The following LMX1A variants were observed in gnomAD, a reference collection of about 807,000 sequenced individuals.
LMX1A encodes the protein LIM homeobox transcription factor 1 alpha.
In LMX1A, 15 loss-of-function variants were observed where a neutral mutation model predicts 49.1. The observed-to-expected ratio is 0.31, with a 90% confidence interval of 0.20 to 0.47. LMX1A has a LOEUF of 0.47. LMX1A is among the 20% of genes least tolerant of loss of function. The probability of loss-of-function intolerance (pLI) is 1.00; values close to 1 mark genes in which losing one functional copy is unlikely to be tolerated. For missense variants in LMX1A, 372 were observed against 475.8 expected, an observed-to-expected ratio of 0.78 and a Z score of 2.03; for synonymous variants, 167 against 185.7, an observed-to-expected ratio of 0.90 and a Z score of 0.82.
At chr1:165,296,857 C>A (rs1432090945) in intron 3 of LMX1A, among the ~76,000 whole-genome samples, 1 of 152,210 alleles carries the variant, frequency 6.6e-6, no homozygotes, top group African/African-American at 2.4e-5. Context: ...ACAAGAAAGG[C>A]GTGGGGTTTA....
chr1:165,290,638 G>C (rs1333138461), intron 3 of LMX1A, among the ~76,000 whole-genome samples: 1 of 152,174 alleles, frequency 6.6e-6, no homozygotes, highest in Non-Finnish European at 1.5e-5. Flanking sequence ...TTATGGATCA[G>C]ACATTGTGCT....
At chr1:165,244,771 G>A (rs973753569) in intron 4 of LMX1A, among the ~76,000 whole-genome samples, 10 of 152,088 alleles carry the variant, frequency 6.6e-5, no homozygotes, top group Non-Finnish European at 1.2e-4. Flanking sequence ...TCTGGTGAAG[G>A]AAAAGAGCTC....
chr1:165,272,216 C>T (rs900150207), intron 3 of LMX1A, among the ~76,000 whole-genome samples: 1 of 152,142 alleles, frequency 6.6e-6, no homozygotes, highest in African/African-American at 2.4e-5. Flanking sequence ...AGGCCCAGGG[C>T]TTGACAAGCT....
At chr1:165,233,369 T>C (rs1332914369) in intron 4 of LMX1A, among the ~76,000 whole-genome samples, 1 of 152,172 alleles carries the variant, frequency 6.6e-6, no homozygotes, top group Non-Finnish European at 1.5e-5. Context: ...GCAGGAGGAT[T>C]GCATGAGCCC....
At chr1:165,228,820 C>A (rs112559450) in intron 4 of LMX1A, among the ~76,000 whole-genome samples, 2 of 152,222 alleles carry the variant, frequency 1.3e-5, no homozygotes, top group African/African-American at 4.8e-5. Context: ...AGGCCACATG[C>A]AAAAACCAGA....
chr1:165,222,245 A>G (rs138310819), intron 4 of LMX1A, among the ~76,000 whole-genome samples: 2 of 152,336 alleles, frequency 1.3e-5, no homozygotes, highest in Admixed American at 1.3e-4. Flanking sequence ...AGGAGACTGT[A>G]GAGCTCATAA....
chr1:165,261,169 A>G (rs16841825), intron 3 of LMX1A, among the ~76,000 whole-genome samples: 1,671 of 152,286 alleles, frequency 0.011, 36 homozygotes, highest in African/African-American at 0.038. Context: ...TAGACTTCAG[A>G]TGTCTCGAGA....
chr1:165,246,374 TTA>T (rs1652849519), intron 4 of LMX1A, among the ~76,000 whole-genome samples: 1 of 152,210 alleles, frequency 6.6e-6, no homozygotes, highest in African/African-American at 2.4e-5. Context: ...GGTTGAGGCT[TTA>T]ATGTCACTTC....
At chr1:165,354,245 C>A (rs1656524341) in intron 2 of LMX1A, among the ~76,000 whole-genome samples, 1 of 152,164 alleles carries the variant, frequency 6.6e-6, no homozygotes, top group African/African-American at 2.4e-5. Context: ...CTCATTCTCC[C>A]CTTCCGAGAG....
intron 4 of LMX1A, among the ~76,000 whole-genome samples, chr1:165,236,233 G>T (rs1019130481): frequency 6.6e-6 from 1 of 152,214 alleles, no homozygotes; most frequent in African/African-American, 2.4e-5. Flanking sequence ...GCTGGGGAGA[G>T]GGAAGCCTCC....
chr1:165,252,584 G>C (rs1557863932), intron 3 of LMX1A, among the ~76,000 whole-genome samples: 1 of 152,062 alleles, frequency 6.6e-6, no homozygotes, highest in Non-Finnish European at 1.5e-5. Flanking sequence ...CAGCAAAATA[G>C]AGGCAAAAAT....
At chr1:165,275,847 ATGTGTGTGTGTG>A (rs529022372) in intron 3 of LMX1A, among the ~76,000 whole-genome samples, 9 of 139,076 alleles carry the variant, frequency 6.5e-5, no homozygotes, top group South Asian at 2.5e-4. Flanking sequence ...GTGTGTGTGT[ATGTGTGTGTGTG>A]TGTGTGTGTG....
intron 3 of LMX1A, among the ~76,000 whole-genome samples, chr1:165,316,441 G>C (rs574962139): frequency 4.6e-5 from 7 of 152,094 alleles, no homozygotes; most frequent in African/African-American, 1.7e-4. Context: ...GGTCCTGGGG[G>C]CACTGATACC....
intron 3 of LMX1A, among the ~76,000 whole-genome samples, chr1:165,271,175 C>G (rs895635658): frequency 5.9e-5 from 9 of 151,860 alleles, no homozygotes; most frequent in African/African-American, 2.2e-4. Context: ...AAGGGCAAAT[C>G]TGCTAAGAAA....
intron 3 of LMX1A, among the ~76,000 whole-genome samples, chr1:165,317,704 G>T (rs1477562409): frequency 6.6e-6 from 1 of 152,216 alleles, no homozygotes; most frequent in Non-Finnish European, 1.5e-5. Flanking sequence ...TGCATTACAG[G>T]AGGATTTAAA....
chr1:165,229,184 G>GA (rs1652154702), intron 4 of LMX1A, among the ~76,000 whole-genome samples: 1 of 151,420 alleles, frequency 6.6e-6, no homozygotes. Context: ...CATCAACTGT[G>GA]AATCAGATCT....
rs1318285337 is a variant in LMX1A, at chr1:165,284,400, T to TG, written c.264-34761dup. The stretch of plus-strand genomic sequence containing the variant: ...GCGTGTTTGAGGTTAGAATAGGAGC[T>TG]GACGAAGGACTGCTAAAGAAGAATT... On this transcript the variant is annotated intron_variant, in intron 3 of 8. Coordinates refer to ENST00000342310, the MANE Select transcript of LMX1A (RefSeq NM_177398.4). Among the ~76,000 whole-genome samples, 7 of 152,332 alleles carry TG rather than the reference T, an allele frequency of 4.6e-5. No individual in the cohort carries two copies. The East Asian group carries it at 1.4e-3, about 29-fold the overall frequency.
intron 3 of LMX1A, among the ~76,000 whole-genome samples, chr1:165,306,304 A>C (rs1423377407): frequency 1.3e-5 from 2 of 152,182 alleles, no homozygotes; most frequent in African/African-American, 2.4e-5. Flanking sequence ...TCTTCCACTT[A>C]GGTTGGGTTC....
chr1:165,328,414 C>G (rs149740452), intron 3 of LMX1A, among the ~76,000 whole-genome samples: 1 of 152,248 alleles, frequency 6.6e-6, no homozygotes, highest in Non-Finnish European at 1.5e-5. Context: ...ACAAGCCCTG[C>G]AGTCTGGAAG....
Sources: allele counts gnomAD v4.1 joint callset (sites outside exome capture counted in the v4.1 genomes callset), GRCh38; gene constraint gnomAD v4.1.1; transcripts MANE v1.5; gene names NCBI Gene and HGNC (gene_info 2026-07-23, HGNC 2026-07-21).